Variants in KCNJ3 observed in about 807,000 individuals in gnomAD.
KCNJ3 encodes potassium inwardly rectifying channel subfamily J member 3, also known as G protein-activated inward rectifier potassium channel 1.
In KCNJ3, 4 loss-of-function variants were observed where a neutral mutation model predicts 39.2. The observed-to-expected ratio is 0.10, with a 90% CI of 0.05 to 0.23. The LOEUF (loss-of-function observed/expected upper bound fraction) is 0.23, where lower values mean the gene tolerates loss of function less well. Ranked by LOEUF, KCNJ3 falls within the 10% of genes least tolerant of loss-of-function variation. The probability of loss-of-function intolerance (pLI) is 1.00; values close to 1 mark genes in which losing one functional copy is unlikely to be tolerated. For missense variants in KCNJ3, 276 were observed against 634.9 expected (o/e 0.43, Z 6.08); for synonymous variants, 230 against 237.4 (o/e 0.97, Z 0.29).
chr2:154,705,174 A>G (rs1684980999), intron 1 of KCNJ3, among the ~76,000 whole-genome samples: 1 of 152,206 alleles, frequency 6.6e-6, no homozygotes, highest in South Asian at 2.1e-4. Context: ...GTTACATATT[A>G]GAGAGACGGG....
chr2:154,842,445 G>A (rs780507237), intron 2 of KCNJ3, among the ~76,000 whole-genome samples: 3 of 152,182 alleles, frequency 2.0e-5, no homozygotes, highest in African/African-American at 4.8e-5. Context: ...TTCTGTAGAT[G>A]TCTATTAGGT....
chr2:154,804,261 G>C (rs947701285), intron 2 of KCNJ3, among the ~76,000 whole-genome samples: 1 of 152,074 alleles, frequency 6.6e-6, no homozygotes, highest in Non-Finnish European at 1.5e-5. Context: ...TGAATCCAAA[G>C]GTGCAGGTGT....
At chr2:154,763,797 C>G (rs769724069) in intron 2 of KCNJ3, among the ~76,000 whole-genome samples, 1 of 152,116 alleles carries the variant, frequency 6.6e-6, no homozygotes, top group Non-Finnish European at 1.5e-5. Flanking sequence ...TTTGTGTAGG[C>G]TTAGTTTTCT....
chr2:154,724,936 T>TATATATATATATATATATATATATAC (rs1450435626), intron 2 of KCNJ3, among the ~76,000 whole-genome samples: 5 of 147,100 alleles, frequency 3.4e-5, no homozygotes, highest in Non-Finnish European at 6.0e-5. Flanking sequence ...TATATATATA[T>TATATATATATATATATATATATATAC]ACCTTTGATG....
Position 154,709,779 on chromosome 2 carries a change from C to G in KCNJ3, c.879C>G (p.Phe293Leu). ...LSQRSMQTEQ[F>L]EIVVILEGIV... Reference sequence around the variant, plus strand: ...AGCGAAGCATGCAAACTGAACAGTTCGAGATTGTCGTCATCCTAGAAGGCA... The same window carrying G: ...AGCGAAGCATGCAAACTGAACAGTTGGAGATTGTCGTCATCCTAGAAGGCA... Residue 293 changes from phenylalanine (F) to leucine (L), a missense_variant, in exon 2 of 3, where the codon TTC (phenylalanine) becomes TTG (leucine). Around this residue, in one of 4 missense-constraint regions of KCNJ3, gnomAD observed 77 missense variants for 200.0 expected, o/e 0.38. Coordinates refer to ENST00000295101, the MANE Select transcript of KCNJ3 (RefSeq NM_002239.4). 6.2e-7 allele frequency: 1 copy of G among 1,613,688 alleles called. No homozygotes were observed. The highest frequency in any genetic ancestry group is 8.5e-7 in the Non-Finnish European group (1 of 1,179,736).
chr2:154,761,412 G>A, intron 2 of KCNJ3, among the ~76,000 whole-genome samples: 1 of 152,092 alleles, frequency 6.6e-6, no homozygotes, highest in Admixed American at 6.6e-5. Flanking sequence ...GTGGGCATAT[G>A]CCCCTGTCGT....
In KCNJ3 at chr2:154,856,339, C is replaced by G. The variant is rs67902767; in HGVS notation, c.*1026C>G. On this transcript the variant is annotated 3_prime_UTR_variant, in exon 3 of 3. Transcript: ENST00000295101. ...CACAATTAATTGTCCCTGTTTCAAA[C>G]TGAGTAAATTGGAAACATTTTCTTT... 2,388 of 152,650 alleles carry G rather than the reference C, an allele frequency of 0.016. 40 individuals carry two copies. Among genetic ancestry groups the G allele is most frequent in the Middle Eastern group, 0.038 (11 of 292 alleles). The allele number at this position is 152,650 out of a possible 1,614,324, so 9.5% of individuals were successfully genotyped here. A position where few individuals can be genotyped will look rare whatever the true frequency, so the allele number is the denominator to read the frequency against.
intron 2 of KCNJ3, among the ~76,000 whole-genome samples, chr2:154,746,296 A>G (rs1685740866): frequency 6.6e-6 from 1 of 151,896 alleles, no homozygotes; most frequent in African/African-American, 2.4e-5. Context: ...AGTTTTGGAA[A>G]GTCAAAAGTT....
At chr2:154,797,731 C>G (rs558686404) in intron 2 of KCNJ3, among the ~76,000 whole-genome samples, 3 of 152,038 alleles carry the variant, frequency 2.0e-5, no homozygotes, top group African/African-American at 7.2e-5. Context: ...ATTGAGCACA[C>G]TCTTCCTATA....
At chr2:154,825,096 A>T (rs1433241276) in intron 2 of KCNJ3, among the ~76,000 whole-genome samples, 1 of 152,130 alleles carries the variant, frequency 6.6e-6, no homozygotes, top group African/African-American at 2.4e-5. Context: ...TCTTTAATAC[A>T]TTCAAGGTAC....
At chr2:154,825,781 G>GTTGCCCAGGCTGGTC (rs1246530196) in intron 2 of KCNJ3, among the ~76,000 whole-genome samples, 1 of 120,300 alleles carries the variant, frequency 8.3e-6, no homozygotes. Context: ...GTCTCACTAT[G>GTTGCCCAGGCTGGTC]TTGCCCAGGC....
At chr2:154,733,685 G>T (rs967274975) in intron 2 of KCNJ3, among the ~76,000 whole-genome samples, 1 of 152,274 alleles carries the variant, frequency 6.6e-6, no homozygotes, top group African/African-American at 2.4e-5. Context: ...AGATACATTC[G>T]TGTAGGACTG....
rs543795295 is a variant in KCNJ3, at chr2:154,712,543, G to A, written c.919+2724G>A. ...TGTATTAGATAAGTATGTATCGAAT[G>A]TGTGTTGTGTCCTTGAAAGTATGTG... On this transcript the variant is annotated intron_variant, in intron 2 of 2. Coordinates refer to ENST00000295101, the MANE Select transcript of KCNJ3 (RefSeq NM_002239.4). Among the ~76,000 whole-genome samples the A allele has an allele frequency of 2.6e-5, 4 of 152,296 alleles. 1 individual carries two copies. In the South Asian group the frequency reaches 8.3e-4, roughly 32 times the overall value.
intron 2 of KCNJ3, among the ~76,000 whole-genome samples, chr2:154,723,439 A>C (rs1405337750): frequency 6.6e-6 from 1 of 152,204 alleles, no homozygotes; most frequent in Admixed American, 6.5e-5. Context: ...GATAGCTGAG[A>C]GAGCCAGACT....
Position 154,854,808 on chromosome 2 carries a change from A to G in KCNJ3, c.1001A>G (p.Glu334Gly). The change falls in exon 3 of 3, where the codon GAA becomes GGA. Residue 334 changes from glutamate (E) to glycine (G), a missense_variant. By Grantham distance (98) the Glu-to-Gly change is moderately conservative. Coordinates refer to ENST00000295101, the MANE Select transcript of KCNJ3 (RefSeq NM_002239.4). ...CGTTTTTTTCCTGTAATTTCCTTAG[A>G]AGAGGGATTCTTTAAAGTTGATTAC... ...GHRFFPVISL[E>G]EGFFKVDYSQ... The G allele has an allele frequency of 6.2e-7, 1 of 1,613,944 alleles. No individual in the cohort carries two copies. The highest frequency in any genetic ancestry group is 8.5e-7 in the Non-Finnish European group (1 of 1,179,920).
chr2:154,788,031 G>GA (rs1372129690), intron 2 of KCNJ3, among the ~76,000 whole-genome samples: 1 of 152,006 alleles, frequency 6.6e-6, no homozygotes, highest in African/African-American at 2.4e-5. Context: ...ATTCAGTTTA[G>GA]AAAATTAAGA....
intron 2 of KCNJ3, among the ~76,000 whole-genome samples, chr2:154,796,591 A>G (rs907047845): frequency 2.6e-5 from 4 of 152,034 alleles, no homozygotes; most frequent in Admixed American, 2.0e-4. Flanking sequence ...GTAGAAGTCT[A>G]TATTGCTAAC....
intron 2 of KCNJ3, among the ~76,000 whole-genome samples, chr2:154,833,849 GT>G: frequency 2.0e-5 from 3 of 151,868 alleles, no homozygotes; most frequent in East Asian, 3.9e-4. Context: ...GTTCCTTCAT[GT>G]TTTTTTGTGG....
intron 2 of KCNJ3, among the ~76,000 whole-genome samples, chr2:154,790,896 G>A (rs1221016116): frequency 6.6e-6 from 1 of 152,070 alleles, no homozygotes; most frequent in African/African-American, 2.4e-5. Context: ...CCCAGAAAGG[G>A]GAGAGAGTGA....
Sources: allele counts gnomAD v4.1 joint callset (sites outside exome capture counted in the v4.1 genomes callset), GRCh38; gene constraint gnomAD v4.1.1; regional missense constraint gnomAD v4.1.1; transcripts MANE v1.5; gene names NCBI Gene and HGNC (gene_info 2026-07-23, HGNC 2026-07-21).